PDE3B: variants seen among roughly 807,000 people sequenced by gnomAD.
PDE3B encodes the protein phosphodiesterase 3B, also known as cGMP-inhibited 3',5'-cyclic phosphodiesterase 3B.
A neutral mutation model predicts 116.8 loss-of-function variants in PDE3B; 66 were observed. The ratio of observed to expected loss-of-function variants is 0.56; its 90% CI spans 0.46 to 0.69. The LOEUF (loss-of-function observed/expected upper bound fraction) is 0.69, where lower values mean the gene tolerates loss of function less well. PDE3B is among the 30% of genes least tolerant of loss of function. The pLI is 0.00. For missense variants in PDE3B, 1,384 were observed against 1,368.1 expected (o/e 1.01, Z -0.18); for synonymous variants, 595 against 533.6 (o/e 1.12, Z -1.59).
chr11:14,837,278 T>C (rs907603632), intron 11 of PDE3B, among the ~76,000 whole-genome samples: 2 of 152,226 alleles, frequency 1.3e-5, no homozygotes, highest in Non-Finnish European at 2.9e-5. Context: ...TAGTCTCTCT[T>C]GTAGTCTGGA....
intron 1 of PDE3B, among the ~76,000 whole-genome samples, chr11:14,737,298 G>T (rs1355567203): frequency 6.6e-6 from 1 of 151,508 alleles, no homozygotes; most frequent in East Asian, 1.9e-4. Context: ...GGTTCACGCT[G>T]TTCTCCTGCC....
intron 1 of PDE3B, among the ~76,000 whole-genome samples, chr11:14,713,695 T>TACACACACACACAC (rs68083046): frequency 5.4e-4 from 81 of 149,886 alleles, no homozygotes; most frequent in African/African-American, 2.0e-3. Context: ...AAAAAATCTT[T>TACACACACACACAC]ACACACACAC....
intron 1 of PDE3B, among the ~76,000 whole-genome samples, chr11:14,648,257 C>T (rs1590028008): frequency 6.6e-6 from 1 of 152,110 alleles, no homozygotes; most frequent in Non-Finnish European, 1.5e-5. Context: ...TTTTCTATAC[C>T]TTTAGTGCTA....
At chr11:14,868,890 A>G (rs1247462963) in intron 15 of PDE3B, among the ~76,000 whole-genome samples, 1 of 152,102 alleles carries the variant, frequency 6.6e-6, no homozygotes, top group Non-Finnish European at 1.5e-5. Flanking sequence ...AAATGGTGGC[A>G]GGCGCCTGTA....
intron 1 of PDE3B, among the ~76,000 whole-genome samples, chr11:14,705,895 G>A (rs776632103): frequency 2.0e-5 from 3 of 151,656 alleles, no homozygotes; most frequent in Non-Finnish European, 3.0e-5. Context: ...AATGTCTTTC[G>A]GTACTTATAT....
chr11:14,845,206 G>C, intron 12 of PDE3B, among the ~76,000 whole-genome samples: 1 of 152,136 alleles, frequency 6.6e-6, no homozygotes, highest in Non-Finnish European at 1.5e-5. Flanking sequence ...TGCAGCCACC[G>C]CTGCTGGTAC....
chr11:14,747,926 A>G (rs932486021), intron 1 of PDE3B, among the ~76,000 whole-genome samples: 2 of 152,204 alleles, frequency 1.3e-5, no homozygotes, highest in African/African-American at 4.8e-5. Context: ...AATAGTCACT[A>G]TTTGACTTAC....
At chr11:14,854,375 G>A (rs1847810407) in intron 12 of PDE3B, among the ~76,000 whole-genome samples, 1 of 152,162 alleles carries the variant, frequency 6.6e-6, no homozygotes, top group South Asian at 2.1e-4. Flanking sequence ...ACATCTAATA[G>A]CTGGCACCCA....
At chr11:14,755,488 G>T (rs934682996) in intron 1 of PDE3B, among the ~76,000 whole-genome samples, 1 of 152,076 alleles carries the variant, frequency 6.6e-6, no homozygotes, top group Non-Finnish European at 1.5e-5. Context: ...ATAAAATAAC[G>T]TGCCTGTGGA....
chr11:14,843,830 C>A lies in PDE3B; in HGVS notation c.2324C>A (p.Ser775Tyr). ...NGCGTGNETD[S>Y]DGRINHGRIA... ...TTTGCTATTTATTGTTTCTCAGATT[C>A]TGATGGTAGAATTAACCATGGGCGA... is the stretch of plus-strand genomic sequence containing the variant. The change falls in exon 12 of 16, where the codon TCT becomes TAT. Residue 775 changes from serine (S) to tyrosine (Y), a missense_variant. Transcript: ENST00000282096. The A allele has an allele frequency of 6.2e-7, 1 of 1,612,504 alleles. No homozygotes were observed. The highest frequency in any genetic ancestry group is 8.5e-7 in the Non-Finnish European group (1 of 1,178,606).
intron 1 of PDE3B, among the ~76,000 whole-genome samples, chr11:14,697,545 A>T (rs1855244553): frequency 6.6e-6 from 1 of 152,042 alleles, no homozygotes; most frequent in Non-Finnish European, 1.5e-5. Context: ...GTTCTTAAAG[A>T]TTGCCTTGGC....
the PDE3B span, chr11:14,879,330 A>G: frequency 6.2e-7 from 1 of 1,613,044 alleles, no homozygotes; most frequent in East Asian, 2.2e-5. Context: ...ACTATATTAC[A>G]GAATCTTAAA....
intron 4 of PDE3B, 124 bp downstream of exon 4, chr11:14,789,366 CAT>C: frequency 1.5e-6 from 1 of 649,882 alleles, no homozygotes; most frequent in Non-Finnish European, 2.6e-6. Flanking sequence ...TATAGGACAA[CAT>C]GTGTAGTAAT....
chr11:14,699,720 T>G (rs1855309910), intron 1 of PDE3B, among the ~76,000 whole-genome samples: 1 of 151,878 alleles, frequency 6.6e-6, no homozygotes. Context: ...TAAGTTTGTC[T>G]CATTTCCAGT....
chr11:14,749,961 T>C (rs1857016158), intron 1 of PDE3B, among the ~76,000 whole-genome samples: 1 of 133,522 alleles, frequency 7.5e-6, no homozygotes, highest in Non-Finnish European at 1.6e-5. Context: ...TTTAGCAAGC[T>C]GGAGACCTTG....
the PDE3B span, among the ~76,000 whole-genome samples, chr11:14,882,473 A>G: frequency 6.6e-6 from 1 of 152,258 alleles, no homozygotes; most frequent in South Asian, 2.1e-4. Flanking sequence ...CACATGGGAT[A>G]TATACACAAG....
rs1271385427 is a variant in PDE3B, at chr11:14,871,773, C to T, written c.*2113C>T. The T allele has an allele frequency of 3.3e-5, 5 of 151,978 alleles. No homozygotes were observed. The highest frequency in any genetic ancestry group is 1.2e-4 in the African/African-American group (5 of 41,382). 9.4% of individuals were successfully genotyped at this position (151,978 alleles called of 1,614,324 possible). On this transcript the variant is annotated 3_prime_UTR_variant, in exon 16 of 16. Transcript: ENST00000282096. The stretch of plus-strand genomic sequence containing the variant: ...AAGAAACCCAAAAAAGTATCTCTCC[C>T]GAGCTGAAACTTAAAAATTCGTAAG...
chr11:14,701,362 T>C (rs1397366312), intron 1 of PDE3B, among the ~76,000 whole-genome samples: 4 of 151,786 alleles, frequency 2.6e-5, no homozygotes, highest in South Asian at 4.1e-4. Flanking sequence ...AATCAAAAAT[T>C]ATTTCAAAGT....
chr11:14,824,141 C>A (rs892393320), intron 7 of PDE3B, among the ~76,000 whole-genome samples: 4 of 152,200 alleles, frequency 2.6e-5, no homozygotes, highest in Admixed American at 6.5e-5. Context: ...AACACGCTGT[C>A]CCTGTCAGAC....
Sources: allele counts gnomAD v4.1 joint callset (sites outside exome capture counted in the v4.1 genomes callset), GRCh38; gene constraint gnomAD v4.1.1; transcripts MANE v1.5; gene names NCBI Gene and HGNC (gene_info 2026-07-23, HGNC 2026-07-21).